Variants in NCK2 observed in about 807,000 individuals in gnomAD.
The protein encoded by NCK2 is NCK adaptor protein 2, also known as cytoplasmic protein NCK2.
NCK2 carries 16 observed loss-of-function variants against 33.9 expected under a neutral mutation model. The ratio of observed to expected loss-of-function variants is 0.47; its 90% CI spans 0.32 to 0.72. The LOEUF is 0.72. Ranked by LOEUF, NCK2 falls within the 30% of genes least tolerant of loss-of-function variation. The pLI is 0.03. For missense variants in NCK2, 418 were observed against 537.3 expected (o/e 0.78, Z 2.19); for synonymous variants, 273 against 239.9 (o/e 1.14, Z -1.27).
chr2:105,885,034 T>C (rs1678666961), intron 4 of NCK2, among the ~76,000 whole-genome samples: 1 of 152,234 alleles, frequency 6.6e-6, no homozygotes, highest in Admixed American at 6.5e-5. Flanking sequence ...TAGAAAGCTG[T>C]ACTTAAAATG....
In NCK2 at chr2:105,894,059, G is replaced by T. The variant is rs1355736440; in HGVS notation, c.*883G>T. ...ATTATTTACAGGGAAATTTTTCAGG[G>T]TTTACAAAAGAGTATGTGATTGGTA... On this transcript the variant is annotated 3_prime_UTR_variant, in exon 5 of 5. Transcript: ENST00000233154. 2 of 152,214 alleles carry T rather than the reference G, an allele frequency of 1.3e-5. No individual in the cohort carries two copies. The highest frequency in any genetic ancestry group is 2.9e-5 in the Non-Finnish European group (2 of 67,980). The allele number at this position is 152,214 out of a possible 1,614,324, so 9.4% of individuals were successfully genotyped here.
At chr2:105,794,596 T>C in intron 1 of NCK2, among the ~76,000 whole-genome samples, 1 of 152,214 alleles carries the variant, frequency 6.6e-6, no homozygotes, top group East Asian at 1.9e-4. Flanking sequence ...TCTTTCAGGA[T>C]AATTCCTCTC....
Position 105,824,165 on chromosome 2 carries a change from A to G in NCK2, c.-17+7552A>G, listed in dbSNP as rs1675856267. ...GGGTTTTGCTTGTGATTGTTACCTT[A>G]TTTCACATGTGTGAGTGCCCCCTCC... On this transcript the variant is annotated intron_variant, in intron 2 of 4. Transcript: ENST00000233154. Among the ~76,000 whole-genome samples the G allele has an allele frequency of 1.3e-5, 2 of 151,202 alleles. 1 individual carries two copies. The highest frequency in any genetic ancestry group is 4.9e-5 in the African/African-American group (2 of 40,566).
At chr2:105,858,014 T>TG (rs1677353138) in intron 3 of NCK2, among the ~76,000 whole-genome samples, 7 of 151,434 alleles carry the variant, frequency 4.6e-5, no homozygotes, top group South Asian at 4.2e-4. Context: ...TTGTGTGTGT[T>TG]TGTGTTTTGT....
intron 3 of NCK2, among the ~76,000 whole-genome samples, chr2:105,865,482 GC>G (rs2104613838): frequency 6.6e-6 from 1 of 152,276 alleles, no homozygotes; most frequent in Admixed American, 6.5e-5. Flanking sequence ...TGCAGTTCCT[GC>G]TAGGCATCAA....
At chr2:105,840,207 A>G (rs550354801) in intron 2 of NCK2, among the ~76,000 whole-genome samples, 34 of 152,288 alleles carry the variant, frequency 2.2e-4, no homozygotes, top group Admixed American at 9.2e-4. Flanking sequence ...TGATCCAGAA[A>G]GACACAGTAG....
At chr2:105,875,673 G>A (rs1369928553) in intron 3 of NCK2, among the ~76,000 whole-genome samples, 1 of 152,204 alleles carries the variant, frequency 6.6e-6, no homozygotes, top group East Asian at 1.9e-4. Context: ...TGTGAACTAG[G>A]AAATGGGCCC....
At chr2:105,870,622 G>A (rs943438410) in intron 3 of NCK2, among the ~76,000 whole-genome samples, 3 of 152,072 alleles carry the variant, frequency 2.0e-5, no homozygotes, top group Non-Finnish European at 4.4e-5. Flanking sequence ...CAGGGTGGTG[G>A]CACATACCTG....
chr2:105,833,156 G>A lies in NCK2; in HGVS notation c.-17+16543G>A, dbSNP rs375031072. 1.1e-4 allele frequency among the ~76,000 whole-genome samples: 17 copies of A among 151,562 alleles called. No individual in the cohort carries two copies. The South Asian group carries it at 1.2e-3, about 11-fold the overall frequency. On this transcript the variant is annotated intron_variant, in intron 2 of 4. Transcript: ENST00000233154. ...GTTGCCCAGGCTGGAGTGTAGTGGCGTGATCTCTGCTCACTGCAACTTCCA... is the reference window on the plus strand; with the variant it reads ...GTTGCCCAGGCTGGAGTGTAGTGGCATGATCTCTGCTCACTGCAACTTCCA...
chr2:105,801,885 A>C (rs1674855008), intron 1 of NCK2, among the ~76,000 whole-genome samples: 1 of 152,030 alleles, frequency 6.6e-6, no homozygotes, highest in African/African-American at 2.4e-5. Flanking sequence ...AAAGTGATGG[A>C]GCTGGCATTG....
At chr2:105,826,896 G>C (rs1031922052) in intron 2 of NCK2, among the ~76,000 whole-genome samples, 1 of 152,150 alleles carries the variant, frequency 6.6e-6, no homozygotes, top group Non-Finnish European at 1.5e-5. Context: ...AAAGAAAGCA[G>C]AAATTGTTAT....
intron 3 of NCK2, among the ~76,000 whole-genome samples, chr2:105,868,862 C>T (rs1677864189): frequency 6.6e-6 from 1 of 152,228 alleles, no homozygotes; most frequent in Non-Finnish European, 1.5e-5. Flanking sequence ...CCGGGGCAGC[C>T]AAGCGACTTG....
chr2:105,889,571 C>CTTTT (rs35868906), intron 4 of NCK2, among the ~76,000 whole-genome samples: 174 of 132,770 alleles, frequency 1.3e-3, no homozygotes, highest in East Asian at 3.6e-3. Context: ...ATTTGCATTT[C>CTTTT]TTTTTTTTTT....
At chr2:105,776,733 G>A (rs1046571195) in intron 1 of NCK2, among the ~76,000 whole-genome samples, 4 of 152,102 alleles carry the variant, frequency 2.6e-5, no homozygotes, top group South Asian at 2.1e-4. Flanking sequence ...TCCAGGCTCC[G>A]GGCTCCCAGC....
intron 3 of NCK2, among the ~76,000 whole-genome samples, chr2:105,871,329 C>A (rs1677993204): frequency 6.6e-6 from 1 of 151,884 alleles, no homozygotes; most frequent in East Asian, 1.9e-4. Flanking sequence ...CGCTGCGCCA[C>A]GTTATTGTAG....
At chr2:105,843,384 T>C (rs1676722427) in intron 2 of NCK2, among the ~76,000 whole-genome samples, 1 of 131,276 alleles carries the variant, frequency 7.6e-6, no homozygotes, top group African/African-American at 2.7e-5. Flanking sequence ...TTCTGTACTG[T>C]GGTCCCATAA....
chr2:105,749,973 T>G (rs1035440847), intron 1 of NCK2, among the ~76,000 whole-genome samples: 7 of 151,116 alleles, frequency 4.6e-5, no homozygotes, highest in African/African-American at 1.7e-4. Flanking sequence ...GAGGTTGCAG[T>G]GAGCCAAGAT....
At chr2:105,860,035 A>G (rs1055052631) in intron 3 of NCK2, among the ~76,000 whole-genome samples, 1 of 152,208 alleles carries the variant, frequency 6.6e-6, no homozygotes, top group Non-Finnish European at 1.5e-5. Flanking sequence ...CTGTAATCCC[A>G]GTGCTTTGGG....
chr2:105,880,132 A>C (rs955258660), intron 3 of NCK2, among the ~76,000 whole-genome samples: 6 of 152,244 alleles, frequency 3.9e-5, no homozygotes, highest in Non-Finnish European at 2.9e-5. Flanking sequence ...TTCCTCATGC[A>C]CAGGAAGAAA....
Sources: allele counts gnomAD v4.1 joint callset (sites outside exome capture counted in the v4.1 genomes callset), GRCh38; gene constraint gnomAD v4.1.1; transcripts MANE v1.5; gene names NCBI Gene and HGNC (gene_info 2026-07-23, HGNC 2026-07-21).